The following PCDHGC3 variants were observed in gnomAD, a reference collection of about 807,000 sequenced individuals.
PCDHGC3 encodes the protein protocadherin gamma-C3.
In PCDHGC3, 26 loss-of-function variants were observed where a neutral mutation model predicts 59.2. That is an observed-to-expected ratio of 0.44 (90% CI 0.32 to 0.61). The LOEUF is 0.61. Ranked by LOEUF, PCDHGC3 falls within the 20% of genes least tolerant of loss-of-function variation. The probability of loss-of-function intolerance (pLI) is 0.05; values close to 1 mark genes in which losing one functional copy is unlikely to be tolerated. For synonymous variants in PCDHGC3, 487 were observed against 519.7 expected (o/e 0.94, Z 0.86); for missense variants, 1,080 against 1,221.8 (o/e 0.88, Z 1.73).
At position 141,490,258 on chromosome 5, in the gene PCDHGC3, G is replaced by A. The variant is rs776865457; in HGVS notation, c.2431-4549G>A. Reference sequence around the variant, plus strand: ...GGGCCACTGTGTGATTCAAGTGGATGTGGGGGATGTCAATGACAATGCCCC... The same window carrying A: ...GGGCCACTGTGTGATTCAAGTGGATATGGGGGATGTCAATGACAATGCCCC... On this transcript the variant is annotated intron_variant, in intron 1 of 3. Transcript: ENST00000308177. The surrounding 1 kb of genome is among the most constrained non-coding windows in gnomAD (Gnocchi z 5.4). 6.2e-7 allele frequency: 1 copy of A among 1,614,136 alleles called. No homozygotes were observed.
At chr5:141,482,338 T>C (rs2099556539) in intron 1 of PCDHGC3, among the ~76,000 whole-genome samples, 1 of 152,156 alleles carries the variant, frequency 6.6e-6, no homozygotes, top group African/African-American at 2.4e-5. Context: ...ATATCTACTT[T>C]GCAAACTTGT....
intron 3 of PCDHGC3, chr5:141,507,313 T>TAC (rs1554192306): frequency 6.7e-6 from 1 of 150,168 alleles, no homozygotes. Context: ...CATAATGTAC[T>TAC]AAAAAAAAAA....
In PCDHGC3 at chr5:141,476,316, G is replaced by A. The variant is rs536532455; in HGVS notation, c.200G>A (p.Arg67Gln). Residue 67 changes from arginine to glutamine, a missense_variant, in exon 1 of 4, where the codon CGG becomes CAG. Arg to Gln is a conservative substitution (Grantham distance 43, BLOSUM62 1). Coordinates refer to ENST00000308177, the MANE Select transcript of PCDHGC3 (RefSeq NM_002588.4). This position sits in a 1 kb window ranked among gnomAD's most constrained non-coding sequence, Gnocchi z 7.6. ...DLGSLSARRF[R>Q]VVSGASRRFF... ...GGTAGCCTCTCAGCCCGCAGGTTCC[G>A]GGTGGTGTCTGGAGCTAGCCGAAGA... is the stretch of plus-strand genomic sequence containing the variant. The A allele has an allele frequency of 6.2e-7, 1 of 1,614,176 alleles. No individual in the cohort carries two copies. The highest frequency in any genetic ancestry group is 1.7e-5 in the Admixed American group (1 of 60,028).
intron 2 of PCDHGC3, among the ~76,000 whole-genome samples, chr5:141,500,184 T>TTTTTTTTATTTATTTA (rs1554186429): frequency 7.4e-6 from 1 of 135,886 alleles, no homozygotes; most frequent in African/African-American, 2.7e-5. Flanking sequence ...TCATTTTTAT[T>TTTTTTTTATTTATTTA]TTTATTTATT....
At chr5:141,496,948 G>A (rs2099772844) in intron 2 of PCDHGC3, among the ~76,000 whole-genome samples, 1 of 151,826 alleles carries the variant, frequency 6.6e-6, no homozygotes, top group Admixed American at 6.6e-5. Context: ...CACTTTGGGA[G>A]GCCAAGGTGG....
chr5:141,491,254 G>A lies in PCDHGC3; in HGVS notation c.2431-3553G>A, dbSNP rs746242389. ...GCTGGTTCTGGAGGATGAGGACCCT[G>A]AGGAAATGCCCAAATCCAGTGACTT... is the stretch of plus-strand genomic sequence containing the variant. On this transcript the variant is annotated intron_variant, in intron 1 of 3. Coordinates refer to ENST00000308177, the MANE Select transcript of PCDHGC3 (RefSeq NM_002588.4). This position sits in a 1 kb window ranked among gnomAD's most constrained non-coding sequence, Gnocchi z 6.9. 24 of 1,614,198 alleles carry A rather than the reference G, an allele frequency of 1.5e-5. No individual in the cohort carries two copies. The highest frequency in any genetic ancestry group is 2.0e-5 in the Non-Finnish European group (24 of 1,180,018).
Position 141,485,859 on chromosome 5 carries a change from G to A in PCDHGC3, c.2430+7313G>A, listed in dbSNP as rs1272239385. ...CCGAGATCTGGCACCGCAGAGCTCC[G>A]GGTATCCGTGCTGGACGTAAACGAC... On this transcript the variant is annotated intron_variant, in intron 1 of 3. Transcript: ENST00000308177. This position sits in a 1 kb window ranked among gnomAD's most constrained non-coding sequence, Gnocchi z 5.7. 3.7e-6 allele frequency: 6 copies of A among 1,614,046 alleles called. No homozygotes were observed. Among genetic ancestry groups the A allele is most frequent in the Admixed American group, 3.3e-5 (2 of 60,000 alleles).
rs905837179 is a variant in PCDHGC3 at position 141,478,541 on chromosome 5, G to T, written c.2425G>T (p.Gly809Ter). The T allele has an allele frequency of 1.2e-6, 2 of 1,605,590 alleles. No homozygotes were observed. The highest frequency in any genetic ancestry group is 1.7e-6 in the Non-Finnish European group (2 of 1,175,794). The change falls in exon 1 of 4, where the codon GGA becomes TGA. Residue 809 changes from glycine (G) to a stop codon, truncating the protein, a stop_gained. Coordinates refer to ENST00000308177, the MANE Select transcript of PCDHGC3 (RefSeq NM_002588.4). LOFTEE classifies it high-confidence loss of function. ...GTTGGGTGCAGAGAGCGCCCCTCCCGGACAGGTAAGGTTTAGCAAGTCATG... is the reference window on the plus strand; with the variant it reads ...GTTGGGTGCAGAGAGCGCCCCTCCCTGACAGGTAAGGTTTAGCAAGTCATG... Reference protein sequence around the residue: ...QVLGAESAPPGQQAPPNTDWR... With the variant: ...QVLGAESAPP
At position 141,476,565 on chromosome 5, in the gene PCDHGC3, C is replaced by A; in HGVS notation, c.449C>A (p.Pro150Gln). 1 of 1,614,184 alleles carries A rather than the reference C, an allele frequency of 6.2e-7. No homozygotes were observed. The part of the protein sequence containing the change: ...MKLEISEAVA[P>Q]GTRFPLESAH... ...TTGGAGATTAGCGAGGCCGTGGCTC[C>A]GGGGACGCGCTTTCCGCTCGAGAGC... Residue 150 changes from proline (P) to glutamine (Q), a missense_variant, in exon 1 of 4, where the codon CCG becomes CAG. By Grantham distance (76) the Pro-to-Gln change is moderately conservative. Coordinates refer to ENST00000308177, the MANE Select transcript of PCDHGC3 (RefSeq NM_002588.4). The surrounding 1 kb of genome is among the most constrained non-coding windows in gnomAD (Gnocchi z 7.6).
At chr5:141,496,164 C>T (rs745320704) in intron 2 of PCDHGC3, among the ~76,000 whole-genome samples, 1 of 152,084 alleles carries the variant, frequency 6.6e-6, no homozygotes, top group Non-Finnish European at 1.5e-5. Context: ...CCACCAGACA[C>T]CCTCCCATCC....
chr5:141,475,987 C>A lies in PCDHGC3; in HGVS notation c.-130C>A. On this transcript the variant is annotated 5_prime_UTR_variant, in exon 1 of 4. Coordinates refer to ENST00000308177, the MANE Select transcript of PCDHGC3 (RefSeq NM_002588.4). ...AGGCAGAGACTGAACAGCCGGCGAGCAAATCAACGGCATCCAGAAAGCCAT... is the reference window on the plus strand; with the variant it reads ...AGGCAGAGACTGAACAGCCGGCGAGAAAATCAACGGCATCCAGAAAGCCAT... 2 of 1,101,540 alleles carry A rather than the reference C, an allele frequency of 1.8e-6. No homozygotes were observed. Among genetic ancestry groups the A allele is most frequent in the Non-Finnish European group, 2.6e-6 (2 of 773,808 alleles). The allele number at this position is 1,101,540 out of a possible 1,614,324, so 68.2% of individuals were successfully genotyped here. A position where few individuals can be genotyped will look rare whatever the true frequency, so the allele number is the denominator to read the frequency against.
Position 141,491,300 on chromosome 5 carries a change from G to A in PCDHGC3, c.2431-3507G>A, listed in dbSNP as rs2099710472. On this transcript the variant is annotated intron_variant, in intron 1 of 3. Coordinates refer to ENST00000308177, the MANE Select transcript of PCDHGC3 (RefSeq NM_002588.4). This position sits in a 1 kb window ranked among gnomAD's most constrained non-coding sequence, Gnocchi z 6.9. ...GACTTCCTCATACACCCTCCTGAGC[G>A]TTCAGACCTTACCCTTTACCTCATT... 1 of 1,614,136 alleles carries A rather than the reference G, an allele frequency of 6.2e-7. No homozygotes were observed. The highest frequency in any genetic ancestry group is 1.1e-5 in the South Asian group (1 of 91,086).
chr5:141,478,135 C>T lies in PCDHGC3; in HGVS notation c.2019C>T (p.Ala673=), dbSNP rs1307702473. ...TVSVTEDSPE[A]RAEFPSGSAP... ...CAGTAACCGAGGACTCTCCTGAAGC[C>T]CGAGCCGAGTTCCCCTCTGGCTCTG... The change falls in exon 1 of 4, where the codon GCC becomes GCT. Residue 673 remains alanine, a synonymous_variant. Transcript: ENST00000308177. The T allele has an allele frequency of 4.3e-6, 7 of 1,613,970 alleles. No individual in the cohort carries two copies. The highest frequency in any genetic ancestry group is 1.3e-5 in the African/African-American group (1 of 74,936).
In PCDHGC3 at chr5:141,512,843, T is replaced by G. The variant is rs2099884463; in HGVS notation, c.*1670T>G. ...CCCTCCCCCGTACTGACTTCTCCTATAAGCGCTTCTCTTCGCATAGTCACG... is the reference window on the plus strand; with the variant it reads ...CCCTCCCCCGTACTGACTTCTCCTAGAAGCGCTTCTCTTCGCATAGTCACG... On this transcript the variant is annotated 3_prime_UTR_variant, in exon 4 of 4. Coordinates refer to ENST00000308177, the MANE Select transcript of PCDHGC3 (RefSeq NM_002588.4). 6.6e-6 allele frequency: 1 copy of G among 152,290 alleles called. No individual in the cohort carries two copies. The highest frequency in any genetic ancestry group is 1.5e-5 in the Non-Finnish European group (1 of 68,088). 9.4% of individuals were successfully genotyped at this position (152,290 alleles called of 1,614,324 possible).
At chr5:141,480,414 C>CA (rs10712552) in intron 1 of PCDHGC3, among the ~76,000 whole-genome samples, 44 of 147,474 alleles carry the variant, frequency 3.0e-4, no homozygotes, top group Non-Finnish European at 4.4e-4. Context: ...GACCCTGTCT[C>CA]AAAAAAAAAA....
rs1216659966 is a variant in PCDHGC3 at position 141,478,011 on chromosome 5, G to T, written c.1895G>T (p.Arg632Leu). ...GLHTGQISTARPVQDTDSPRQ... is the reference protein window; with the variant it reads ...GLHTGQISTALPVQDTDSPRQ... ...CACACTGGTCAAATCAGTACTGCCCGTCCAGTCCAAGACACAGATTCACCC... is the reference window on the plus strand; with the variant it reads ...CACACTGGTCAAATCAGTACTGCCCTTCCAGTCCAAGACACAGATTCACCC... Residue 632 changes from arginine to leucine, a missense_variant, in exon 1 of 4, where the codon CGT becomes CTT. Physicochemically the swap from Arg to Leu is moderately radical, Grantham distance 102 (BLOSUM62 -2). Coordinates refer to ENST00000308177, the MANE Select transcript of PCDHGC3 (RefSeq NM_002588.4). The T allele has an allele frequency of 6.2e-7, 1 of 1,614,088 alleles. No individual in the cohort carries two copies. The highest frequency in any genetic ancestry group is 8.5e-7 in the Non-Finnish European group (1 of 1,180,014).
At position 141,476,455 on chromosome 5, in the gene PCDHGC3, G is replaced by A. The variant is rs572682842; in HGVS notation, c.339G>A (p.Glu113=). The A allele has an allele frequency of 1.2e-6, 2 of 1,614,034 alleles. No individual in the cohort carries two copies. The highest frequency in any genetic ancestry group is 2.2e-5 in the South Asian group (2 of 91,084). ...CTGTAACTCTGGAGTTGGTAGTGGA[G>A]AACCCGCTGGAGCTGTTCAGCGTGG... ...SCTVTLELVV[E]NPLELFSVEV... The change falls in exon 1 of 4, where the codon GAG becomes GAA. Residue 113 remains glutamate, a synonymous_variant. Coordinates refer to ENST00000308177, the MANE Select transcript of PCDHGC3 (RefSeq NM_002588.4). This position sits in a 1 kb window ranked among gnomAD's most constrained non-coding sequence, Gnocchi z 7.6.
chr5:141,505,072 G>A (rs1374916789), intron 2 of PCDHGC3, among the ~76,000 whole-genome samples: 1 of 152,228 alleles, frequency 6.6e-6, no homozygotes. Context: ...TGAGGCAGGA[G>A]AATCGCTTGA....
rs1427934561 is a variant in PCDHGC3, at chr5:141,511,140, CAAG to C, written c.2779_2781del (p.Lys927del). The stretch of plus-strand genomic sequence containing the variant: ...AGGCCCCAGCAGGTGGCAATGGCAA[CAAG>C]AAGAAGTCGGGCAAGAAGGAGAAGA... On this transcript the variant is annotated inframe_deletion, in exon 4 of 4. Coordinates refer to ENST00000308177, the MANE Select transcript of PCDHGC3 (RefSeq NM_002588.4). 9 of 1,614,186 alleles carry C rather than the reference CAAG, an allele frequency of 5.6e-6. No individual in the cohort carries two copies. The East Asian group carries it at 6.7e-5, about 12-fold the overall frequency.
Sources: allele counts gnomAD v4.1 joint callset (sites outside exome capture counted in the v4.1 genomes callset), GRCh38; gene constraint gnomAD v4.1.1; non-coding constraint Gnocchi (gnomAD v3.1); transcripts MANE v1.5; gene names NCBI Gene and HGNC (gene_info 2026-07-23, HGNC 2026-07-21).